The following DDX19A variants were observed in gnomAD, a reference collection of about 807,000 sequenced individuals.
The protein encoded by DDX19A is ATP-dependent RNA helicase DDX19A.
In DDX19A, 12 loss-of-function variants were observed where a neutral mutation model predicts 60.6. That is an observed-to-expected ratio of 0.20 (90% CI 0.13 to 0.32). The LOEUF (loss-of-function observed/expected upper bound fraction) is 0.32, where lower values mean the gene tolerates loss of function less well. DDX19A is among the 10% of genes least tolerant of loss of function. The pLI is 1.00. For synonymous variants in DDX19A, 206 were observed against 218.2 expected (o/e 0.94, Z 0.49); for missense variants, 337 against 600.6 (o/e 0.56, Z 4.59).
At chr16:70,347,070 G>A (rs1405637061) in intron 1 of DDX19A, 22 bp downstream of exon 1, 1 of 1,606,358 alleles carries the variant, frequency 6.2e-7, no homozygotes, top group Non-Finnish European at 8.5e-7. Context: ...AGCTCCTGGC[G>A]AGGAGGACGT....
At chr16:70,364,450 A>G (rs2151640905) in intron 5 of DDX19A, 93 bp from the exon 6 acceptor site, 1 of 961,112 alleles carries the variant, frequency 1.0e-6, no homozygotes, top group East Asian at 2.4e-5. Flanking sequence ...AGAAGCACGA[A>G]GGGGGAAATA....
chr16:70,346,968 A>C lies in DDX19A; in HGVS notation c.-24A>C, dbSNP rs536295255. On this transcript the variant is annotated 5_prime_UTR_variant, in exon 1 of 12. Coordinates refer to ENST00000302243, the MANE Select transcript of DDX19A (RefSeq NM_018332.5). ...ACGTGGTGCAGCGCATATTTTCACA[A>C]GTGGGTCTCCCTTGTCCGGGACTAT... The C allele has an allele frequency of 1.2e-6, 2 of 1,601,062 alleles. No individual in the cohort carries two copies. Among genetic ancestry groups the C allele is most frequent in the Admixed American group, 1.7e-5 (1 of 59,004 alleles).
chr16:70,357,362 G>GTTTTTTTTTTTTTTTTTTTT (rs1248365917), intron 4 of DDX19A, among the ~76,000 whole-genome samples: 11 of 48,872 alleles, frequency 2.3e-4, no homozygotes, highest in African/African-American at 8.0e-4. Context: ...TCTGTTTTTG[G>GTTTTTTTTTTTTTTTTTTTT]TTTGTTTTTT....
chr16:70,353,658 T>C (rs963893676), intron 2 of DDX19A, among the ~76,000 whole-genome samples: 2 of 151,138 alleles, frequency 1.3e-5, no homozygotes, highest in African/African-American at 4.8e-5. Flanking sequence ...TCCAGCACTT[T>C]GGGAGGCTGA....
chr16:70,362,711 G>A (rs1964404179), intron 5 of DDX19A, among the ~76,000 whole-genome samples: 1 of 151,996 alleles, frequency 6.6e-6, no homozygotes, highest in Non-Finnish European at 1.5e-5. Context: ...CGGAGTAGCT[G>A]GGACTATAGG....
intron 5 of DDX19A, chr16:70,363,519 T>A (rs1964429281): frequency 6.6e-6 from 1 of 151,928 alleles, no homozygotes; most frequent in Non-Finnish European, 1.5e-5. Flanking sequence ...GTATTTTTAG[T>A]AGAGATGGGG....
chr16:70,356,244 G>A lies in DDX19A; in HGVS notation c.290G>A (p.Arg97Gln), dbSNP rs756980710. The change falls in exon 4 of 12, where the codon CGG (arginine) becomes CAG (glutamine). Residue 97 changes from arginine (R) to glutamine (Q), a missense_variant. Transcript: ENST00000302243. Reference protein sequence around the residue: ...LYSVKSFEELRLKPQLLQGVY... With the variant: ...LYSVKSFEELQLKPQLLQGVY... ...TCGGTGAAGTCGTTTGAAGAGCTTC[G>A]GCTGTGAGTATTCGCTCCTTTCAAC... 2.8e-5 allele frequency: 45 copies of A among 1,614,010 alleles called. No homozygotes were observed. Among genetic ancestry groups the A allele is most frequent in the Admixed American group, 8.3e-5 (5 of 59,986 alleles).
intron 4 of DDX19A, 44 bp from the exon 5 acceptor site, chr16:70,361,374 T>C (rs1166752240): frequency 2.1e-6 from 3 of 1,414,728 alleles, no homozygotes; most frequent in East Asian, 2.3e-5. Flanking sequence ...TCTAAAACAA[T>C]TCTAACTTCT....
At chr16:70,347,138 C>T in intron 1 of DDX19A, 90 bp downstream of exon 1, 3 of 1,319,034 alleles carry the variant, frequency 2.3e-6, no homozygotes, top group African/African-American at 1.5e-5. Context: ...GTTGGGGAGG[C>T]CCCTGGGCAA....
intron 2 of DDX19A, among the ~76,000 whole-genome samples, chr16:70,352,634 ATTT>A (rs11294947): frequency 1.2e-4 from 10 of 86,128 alleles, no homozygotes; most frequent in Admixed American, 5.6e-4. Context: ...ATCTACCACG[ATTT>A]TTTTTTTTTT....
At chr16:70,365,242 C>T (rs1964484847) in intron 7 of DDX19A, 111 bp downstream of exon 7, 3 of 684,146 alleles carry the variant, frequency 4.4e-6, no homozygotes, top group South Asian at 3.6e-5. Flanking sequence ...GACCCTGGAG[C>T]CTAACTGTGT....
chr16:70,353,193 C>T (rs1964080263), intron 2 of DDX19A, among the ~76,000 whole-genome samples: 1 of 151,338 alleles, frequency 6.6e-6, no homozygotes, highest in Non-Finnish European at 1.5e-5. Context: ...GGGCTCACTG[C>T]CACCTCTGCC....
chr16:70,358,161 G>C (rs1964268976), intron 4 of DDX19A, among the ~76,000 whole-genome samples: 2 of 152,100 alleles, frequency 1.3e-5, no homozygotes, highest in South Asian at 4.1e-4. Context: ...CTCTCACGTA[G>C]CTGGGATTAC....
At chr16:70,367,564 A>T (rs1400168073) in intron 9 of DDX19A, among the ~76,000 whole-genome samples, 1 of 152,056 alleles carries the variant, frequency 6.6e-6, no homozygotes, top group Admixed American at 6.6e-5. Context: ...TCTCTGAAGA[A>T]AATGTCAAAA....
chr16:70,371,613 G>A (rs898269039), intron 11 of DDX19A, 50 bp downstream of exon 11: 12 of 964,298 alleles, frequency 1.2e-5, no homozygotes, highest in East Asian at 5.3e-5. Flanking sequence ...TAAGTAGGGC[G>A]GGGTGGTGAA....
chr16:70,370,186 A>G (rs745846027), intron 9 of DDX19A, 37 bp from the exon 10 acceptor site: 5 of 1,600,422 alleles, frequency 3.1e-6, no homozygotes, highest in Non-Finnish European at 4.3e-6. Context: ...ATATATACTC[A>G]AATACTTTCA....
intron 1 of DDX19A, chr16:70,347,989 C>A (rs1331319048): frequency 2.2e-6 from 1 of 449,034 alleles, no homozygotes; most frequent in Non-Finnish European, 4.5e-6. Flanking sequence ...CGCGCCCAGC[C>A]GGTATGGGGA....
intron 10 of DDX19A, chr16:70,371,151 C>T (rs912037247): frequency 8.1e-6 from 6 of 743,002 alleles, no homozygotes; most frequent in South Asian, 1.9e-5. Context: ...AGAGGATTAC[C>T]GACTGATCTC....
chr16:70,366,043 T>A, intron 7 of DDX19A, 42 bp from the exon 8 acceptor site: 1 of 1,614,036 alleles, frequency 6.2e-7, no homozygotes, highest in Non-Finnish European at 8.5e-7. Flanking sequence ...AGAGCTGGCT[T>A]TGCCTTTGAA....
Sources: allele counts gnomAD v4.1 joint callset (sites outside exome capture counted in the v4.1 genomes callset), GRCh38; gene constraint gnomAD v4.1.1; transcripts MANE v1.5; gene names NCBI Gene and HGNC (gene_info 2026-07-23, HGNC 2026-07-21).